The following EP300 variants were observed in gnomAD, a reference collection of about 807,000 sequenced individuals.
The protein encoded by EP300 is EP300 lysine acetyltransferase.
EP300 carries 31 observed loss-of-function variants against 264.0 expected under a neutral mutation model. The ratio of observed to expected loss-of-function variants is 0.12; its 90% CI spans 0.09 to 0.16. EP300 has a LOEUF of 0.16. EP300 is among the 10% of genes least tolerant of loss of function. The probability of loss-of-function intolerance (pLI) is 1.00; values close to 1 mark genes in which losing one functional copy is unlikely to be tolerated. For synonymous variants in EP300, 1,340 were observed against 1,045.4 expected, an observed-to-expected ratio of 1.28 and a Z score of -5.44; for missense variants, 2,766 against 3,052.9, an observed-to-expected ratio of 0.91 and a Z score of 2.21.
At chr22:41,132,089 G>A (rs528332046) in intron 6 of EP300, among the ~76,000 whole-genome samples, 40 of 151,332 alleles carry the variant, frequency 2.6e-4, no homozygotes, top group African/African-American at 9.0e-4. Context: ...CTAGCTACAC[G>A]AGAGGCTGAG....
chr22:41,176,652 G>C, intron 30 of EP300, 121 bp from the exon 31 acceptor site: 1 of 1,608,510 alleles, frequency 6.2e-7, no homozygotes, highest in Non-Finnish European at 8.5e-7. Context: ...TTGAGGGGCA[G>C]AGCTGAAGAG....
intron 22 of EP300, among the ~76,000 whole-genome samples, chr22:41,165,876 TCTC>T (rs1370869233): frequency 1.3e-5 from 2 of 151,842 alleles, no homozygotes; most frequent in Non-Finnish European, 2.9e-5. Flanking sequence ...TTCAGGCAAT[TCTC>T]CTGCCTCAGC....
At position 41,179,991 on chromosome 22, in the gene EP300, TTATAAA is replaced by T. The variant is rs1249828569; in HGVS notation, c.*1039_*1044del. The T allele has an allele frequency of 7.4e-5, 17 of 229,810 alleles. No individual in the cohort carries two copies. The highest frequency in any genetic ancestry group is 1.8e-4 in the African/African-American group (8 of 45,196). 14.2% of individuals were successfully genotyped at this position (229,810 alleles called of 1,614,324 possible). A position where few individuals can be genotyped will look rare whatever the true frequency, so the allele number is the denominator to read the frequency against. ...AAATCATGCAATTAAAGTTGATTACTTATAAATATGAACTTTGGATCACTGTATAGA... is the reference window on the plus strand; with the variant it reads ...AAATCATGCAATTAAAGTTGATTACTTATGAACTTTGGATCACTGTATAGA... On this transcript the variant is annotated 3_prime_UTR_variant, in exon 31 of 31. Transcript: ENST00000263253.
At position 41,092,883 on chromosome 22, in the gene EP300, C is replaced by T. The variant is rs989249159; in HGVS notation, c.-122C>T. 15 of 1,027,650 alleles carry T rather than the reference C, an allele frequency of 1.5e-5. No homozygotes were observed. Among genetic ancestry groups the T allele is most frequent in the South Asian group, 2.5e-5 (2 of 79,144 alleles). The allele number at this position is 1,027,650 out of a possible 1,614,324, so 63.7% of individuals were successfully genotyped here. The stretch of plus-strand genomic sequence containing the variant: ...GAAGAGAAAAAGGAACTTCCCCCAC[C>T]CCCTCGGGTGCCGTCGGAGCCCCCC... On this transcript the variant is annotated 5_prime_UTR_variant, in exon 1 of 31. Transcript: ENST00000263253.
chr22:41,150,227 T>A (rs1233586557), intron 14 of EP300, 29 bp downstream of exon 14: 2 of 1,575,150 alleles, frequency 1.3e-6, no homozygotes, highest in Non-Finnish European at 1.7e-6. Context: ...TTAGGCAGAA[T>A]CATTAGAGCT....
intron 16 of EP300, among the ~76,000 whole-genome samples, chr22:41,153,188 T>A (rs780347847): frequency 2.0e-5 from 3 of 151,972 alleles, no homozygotes; most frequent in Admixed American, 6.6e-5. Context: ...TGAGGCAGAG[T>A]GCTCAAATCC....
intron 1 of EP300, among the ~76,000 whole-genome samples, chr22:41,107,616 T>C (rs2058765020): frequency 6.6e-6 from 1 of 152,252 alleles, no homozygotes; most frequent in Non-Finnish European, 1.5e-5. Context: ...GCTTCATTTA[T>C]ATATAATACT....
Position 41,137,658 on chromosome 22 carries a change from T to C in EP300, c.1628T>C (p.Met543Thr). Residue 543 changes from methionine (M) to threonine (T), a missense_variant, in exon 8 of 31, where the codon ATG (methionine) becomes ACG (threonine). Physicochemically the swap from Met to Thr is moderately conservative, Grantham distance 81. Transcript: ENST00000263253. ...LHSAINSQNP[M>T]MSENASVPSL... ...TTGGTGACCCCTTTTTGAAGCCCAA[T>C]GATGAGTGAAAATGCCAGTGTGCCC... The C allele has an allele frequency of 6.2e-7, 1 of 1,614,142 alleles. No individual in the cohort carries two copies. The highest frequency in any genetic ancestry group is 8.5e-7 in the Non-Finnish European group (1 of 1,180,008).
rs1601606566 is a variant in EP300, at chr22:41,130,592, G to T, written c.1282+589G>T. On this transcript the variant is annotated intron_variant, in intron 5 of 30. Transcript: ENST00000263253. ...GAACACTGCTTAACATCCAAAATAA[G>T]ATCCAGGAACTCTCAATACTTATTA... 3.9e-5 allele frequency among the ~76,000 whole-genome samples: 6 copies of T among 151,968 alleles called. No homozygotes were observed. In the South Asian group the frequency reaches 1.2e-3, roughly 32 times the overall value.
At position 41,092,939 on chromosome 22, in the gene EP300, C is replaced by T. The variant is rs888701019; in HGVS notation, c.-66C>T. On this transcript the variant is annotated 5_prime_UTR_variant, in exon 1 of 31. Transcript: ENST00000263253. ...ACCCCTGGGTGCGGCGCGGGGACCC[C>T]GGGCCGAAGAAGAGATTTCCTGAGG... 2 of 1,590,692 alleles carry T rather than the reference C, an allele frequency of 1.3e-6. No homozygotes were observed. Among genetic ancestry groups the T allele is most frequent in the African/African-American group, 2.7e-5 (2 of 74,522 alleles).
At position 41,137,729 on chromosome 22, in the gene EP300, A is replaced by G. The variant is rs1372753839; in HGVS notation, c.1699A>G (p.Ile567Val). ...PTAAQPSTTG[I>V]RKQWHEDITQ... ...AGCAGCTCAACCATCCACTACTGGA[A>G]TTCGGAAACAGTGGCACGAAGATAT... Residue 567 changes from isoleucine to valine, a missense_variant, in exon 8 of 31, where the codon ATT (isoleucine) becomes GTT (valine). Physicochemically the swap from Ile to Val is conservative, Grantham distance 29 (BLOSUM62 3). Coordinates refer to ENST00000263253, the MANE Select transcript of EP300 (RefSeq NM_001429.4). 4.3e-6 allele frequency: 7 copies of G among 1,614,096 alleles called. No individual in the cohort carries two copies. The highest frequency in any genetic ancestry group is 5.9e-6 in the Non-Finnish European group (7 of 1,180,038).
chr22:41,169,227 G>C, intron 25 of EP300: 1 of 551,972 alleles, frequency 1.8e-6, no homozygotes, highest in Non-Finnish European at 3.2e-6. Flanking sequence ...ATAGTATAAA[G>C]GCAATAATAA....
Position 41,130,012 on chromosome 22 carries a change from T to G in EP300, c.1282+9T>G. 4 of 1,597,020 alleles carry G rather than the reference T, an allele frequency of 2.5e-6. No homozygotes were observed. Among genetic ancestry groups the G allele is most frequent in the African/African-American group, 1.3e-5 (1 of 74,678 alleles). Reference sequence around the variant, plus strand: ...TAAGAGAAATCAACAGCGTAAGTGATGAAATCTTTTGAAGGTTTATATGAA... The same window carrying G: ...TAAGAGAAATCAACAGCGTAAGTGAGGAAATCTTTTGAAGGTTTATATGAA... On this transcript the variant is annotated intron_variant, in intron 5 of 30. Transcript: ENST00000263253.
chr22:41,105,138 A>G (rs1427831880), intron 1 of EP300, among the ~76,000 whole-genome samples: 2 of 117,562 alleles, frequency 1.7e-5, no homozygotes, highest in African/African-American at 3.3e-5. Flanking sequence ...CGGAGCTAGC[A>G]GTGAGCCGAG....
At chr22:41,167,814 G>GGTTTTTTTTTTTTTTTT (rs71328778) in intron 23 of EP300, among the ~76,000 whole-genome samples, 7 of 66,222 alleles carry the variant, frequency 1.1e-4, no homozygotes, top group Middle Eastern at 0.01. Context: ...GTTTGTTTTT[G>GGTTTTTTTTTTTTTTTT]TTTTTTTTTT....
In EP300 at chr22:41,151,936, A is replaced by G. The variant is rs747919289; in HGVS notation, c.2921A>G (p.Gln974Arg). Residue 974 changes from glutamine (Q) to arginine (R), a missense_variant, in exon 15 of 31, where the codon CAG (glutamine) becomes CGG (arginine). Gln to Arg is a conservative substitution (Grantham distance 43). Coordinates refer to ENST00000263253, the MANE Select transcript of EP300 (RefSeq NM_001429.4). ...GCCATTGCTGAGAAGCAGCCTTCCC[A>G]GGAAGTGAAGATGGAGGCCAAAATG... is the stretch of plus-strand genomic sequence containing the variant. ...SQAIAEKQPS[Q>R]EVKMEAKMEV... The G allele has an allele frequency of 1.2e-6, 2 of 1,614,170 alleles. No individual in the cohort carries two copies. Among genetic ancestry groups the G allele is most frequent in the Non-Finnish European group, 1.7e-6 (2 of 1,180,030 alleles).
intron 4 of EP300, among the ~76,000 whole-genome samples, chr22:41,128,323 C>T (rs1312671153): frequency 2.6e-5 from 4 of 151,810 alleles, no homozygotes; most frequent in African/African-American, 7.3e-5. Context: ...AGCCAGATGT[C>T]TGGGTGTGTT....
chr22:41,149,064 A>G lies in EP300; in HGVS notation c.2268A>G (p.Gln756=), dbSNP rs1262217184. The part of the protein sequence containing the change: ...NPPMGYGPRM[Q]QPSNQGQFLP... The stretch of plus-strand genomic sequence containing the variant: ...CTATGGGCTATGGGCCTCGTATGCA[A>G]CAGCCTTCCAACCAGGGCCAGTTCC... The change falls in exon 13 of 31, where the codon CAA becomes CAG. Residue 756 remains glutamine (Q), a synonymous_variant. Coordinates refer to ENST00000263253, the MANE Select transcript of EP300 (RefSeq NM_001429.4). 2 of 1,613,918 alleles carry G rather than the reference A, an allele frequency of 1.2e-6. No homozygotes were observed. Among genetic ancestry groups the G allele is most frequent in the Admixed American group, 1.7e-5 (1 of 59,998 alleles).
At chr22:41,111,019 G>A (rs1448331616) in intron 1 of EP300, among the ~76,000 whole-genome samples, 1 of 149,664 alleles carries the variant, frequency 6.7e-6, no homozygotes, top group African/African-American at 2.5e-5. Context: ...AGGCCGGAAT[G>A]CAGTGGTACA....
Sources: gnomAD v4.1 joint callset for allele counts (sites outside exome capture counted in the v4.1 genomes callset) on GRCh38, gnomAD v4.1.1 for gene constraint, MANE v1.5 for transcripts, NCBI Gene and HGNC (gene_info 2026-07-23, HGNC 2026-07-21) for gene names.